MAGI2: variants seen among roughly 807,000 people sequenced by gnomAD.
MAGI2 encodes the protein membrane associated guanylate kinase, WW and PDZ domain containing 2.
MAGI2 carries 35 observed loss-of-function variants against 133.3 expected under a neutral mutation model. The ratio of observed to expected loss-of-function variants is 0.26; its 90% CI spans 0.20 to 0.35. The LOEUF (loss-of-function observed/expected upper bound fraction) is 0.35. Ranked by LOEUF, MAGI2 falls within the 10% of genes least tolerant of loss-of-function variation. The probability of loss-of-function intolerance (pLI) is 1.00; values close to 1 mark genes in which losing one functional copy is unlikely to be tolerated. For synonymous variants in MAGI2, 729 were observed against 710.6 expected (o/e 1.03, Z -0.41); for missense variants, 1,636 against 1,863.4 (o/e 0.88, Z 2.25).
intron 2 of MAGI2, among the ~76,000 whole-genome samples, chr7:78,777,941 A>G (rs745644665): frequency 1.3e-5 from 2 of 152,178 alleles, no homozygotes; most frequent in Non-Finnish European, 2.9e-5. Context: ...AACAATCCAC[A>G]TGAGAATATG....
chr7:78,516,541 C>A (rs980453221), intron 4 of MAGI2, among the ~76,000 whole-genome samples: 1 of 152,038 alleles, frequency 6.6e-6, no homozygotes, highest in Non-Finnish European at 1.5e-5. Context: ...TTTGTAGACA[C>A]AGGATTTTGT....
At chr7:78,644,244 C>T (rs912981714) in intron 2 of MAGI2, among the ~76,000 whole-genome samples, 7 of 152,058 alleles carry the variant, frequency 4.6e-5, no homozygotes, top group African/African-American at 1.7e-4. Flanking sequence ...TTCAACACTT[C>T]TCTTTTAATA....
chr7:79,294,736 T>TTTC (rs1385679768), intron 1 of MAGI2, among the ~76,000 whole-genome samples: 1 of 137,694 alleles, frequency 7.3e-6, no homozygotes, highest in African/African-American at 2.7e-5. Context: ...TTTTTTTTTT[T>TTTC]TTTTTTTTTC....
intron 1 of MAGI2, among the ~76,000 whole-genome samples, chr7:79,266,065 T>C (rs1834434383): frequency 6.6e-6 from 1 of 152,078 alleles, no homozygotes; most frequent in Non-Finnish European, 1.5e-5. Context: ...TCTAACCCCC[T>C]CTCTCACTAC....
At position 79,347,091 on chromosome 7, in the gene MAGI2, A is replaced by T. The variant is rs547398842; in HGVS notation, c.301+105929T>A. Among the ~76,000 whole-genome samples, 9 of 151,926 alleles carry T rather than the reference A, an allele frequency of 5.9e-5. No homozygotes were observed. The South Asian group carries it at 8.3e-4, about 14-fold the overall frequency. ...CTCACCTTTTTTATGTTAATTCGAG[A>T]GTGTTCATCTTTACCTTTTTAATTT... On this transcript the variant is annotated intron_variant, in intron 1 of 21. Transcript: ENST00000354212.
intron 6 of MAGI2, among the ~76,000 whole-genome samples, chr7:78,389,992 C>G (rs930402732): frequency 2.0e-5 from 3 of 152,142 alleles, no homozygotes; most frequent in African/African-American, 7.2e-5. Context: ...ACTTTATTGC[C>G]TTTTACAAAA....
At chr7:79,194,210 A>T (rs934977054) in intron 1 of MAGI2, among the ~76,000 whole-genome samples, 8 of 151,994 alleles carry the variant, frequency 5.3e-5, no homozygotes, top group Admixed American at 5.2e-4. Context: ...TCGAAGATTT[A>T]TAAGAAAAGC....
At chr7:78,329,642 A>C (rs1788968847) in intron 9 of MAGI2, among the ~76,000 whole-genome samples, 1 of 152,180 alleles carries the variant, frequency 6.6e-6, no homozygotes, top group African/African-American at 2.4e-5. Context: ...TACCCTCCTC[A>C]GACTTTTCTT....
intron 2 of MAGI2, among the ~76,000 whole-genome samples, chr7:78,662,128 T>C (rs1813027128): frequency 6.6e-6 from 1 of 152,194 alleles, no homozygotes; most frequent in Admixed American, 6.5e-5. Flanking sequence ...AGGCTTTATT[T>C]ATTTGGGGGA....
intron 6 of MAGI2, among the ~76,000 whole-genome samples, chr7:78,474,423 C>T (rs1282000248): frequency 6.6e-6 from 1 of 151,966 alleles, no homozygotes; most frequent in Non-Finnish European, 1.5e-5. Flanking sequence ...AATTTCAAAA[C>T]CATGCTGCAC....
At chr7:79,136,003 GA>G (rs1821412184) in intron 1 of MAGI2, among the ~76,000 whole-genome samples, 4 of 40,888 alleles carry the variant, frequency 9.8e-5, no homozygotes, top group Admixed American at 2.9e-4. Context: ...AAGAAAGAAA[GA>G]GAAAGAAAGA....
intron 21 of MAGI2, among the ~76,000 whole-genome samples, chr7:78,076,438 G>A (rs1441573334): frequency 7.6e-6 from 1 of 131,504 alleles, no homozygotes; most frequent in East Asian, 2.1e-4. Context: ...CAGTCTGGGC[G>A]ACAGAGACCT....
chr7:79,405,413 A>T (rs1310554909), intron 1 of MAGI2, among the ~76,000 whole-genome samples: 1 of 152,170 alleles, frequency 6.6e-6, no homozygotes, highest in African/African-American at 2.4e-5. Flanking sequence ...TATGAAAAGA[A>T]TAGCTGAGTA....
chr7:78,719,986 C>G (rs537204928), intron 2 of MAGI2, among the ~76,000 whole-genome samples: 17 of 152,178 alleles, frequency 1.1e-4, no homozygotes, highest in African/African-American at 3.9e-4. Context: ...ACTCGGTTAT[C>G]TTTCATTAAC....
At chr7:79,443,716 A>G (rs966886849) in intron 1 of MAGI2, among the ~76,000 whole-genome samples, 1 of 152,232 alleles carries the variant, frequency 6.6e-6, no homozygotes, top group East Asian at 1.9e-4. Flanking sequence ...AAGTATAAAC[A>G]GTTTTTGTGC....
At chr7:79,382,450 A>G (rs1217327180) in intron 1 of MAGI2, among the ~76,000 whole-genome samples, 1 of 151,586 alleles carries the variant, frequency 6.6e-6, no homozygotes, top group Non-Finnish European at 1.5e-5. Flanking sequence ...TACCAGACAT[A>G]CAGTACCCAA....
chr7:78,079,498 T>G (rs1215409066), intron 20 of MAGI2, among the ~76,000 whole-genome samples: 1 of 152,252 alleles, frequency 6.6e-6, no homozygotes, highest in Non-Finnish European at 1.5e-5. Context: ...GTCAACTTAG[T>G]GCAGCATCCA....
At chr7:78,141,863 C>T (rs1822792800) in intron 16 of MAGI2, among the ~76,000 whole-genome samples, 1 of 152,152 alleles carries the variant, frequency 6.6e-6, no homozygotes, top group Admixed American at 6.5e-5. Context: ...GGGCAGAAAG[C>T]ATCCTATAGA....
At chr7:78,679,631 C>T (rs528514316) in intron 2 of MAGI2, among the ~76,000 whole-genome samples, 13 of 152,246 alleles carry the variant, frequency 8.5e-5, no homozygotes, top group South Asian at 2.1e-4. Context: ...GTCATTCTGA[C>T]GAAGTGACAG....
Sources: gnomAD v4.1 joint callset for allele counts (sites outside exome capture counted in the v4.1 genomes callset) on GRCh38, gnomAD v4.1.1 for gene constraint, MANE v1.5 for transcripts, NCBI Gene and HGNC (gene_info 2026-07-23, HGNC 2026-07-21) for gene names.